The following ZNF215 variants were observed in gnomAD, a reference collection of about 807,000 sequenced individuals.
ZNF215 encodes the protein zinc finger protein 215, also known as BWSCR2-associated zinc finger protein 2.
A neutral mutation model predicts 27.2 loss-of-function variants in ZNF215; 24 were observed. The ratio of observed to expected loss-of-function variants is 0.88; its 90% confidence interval spans 0.64 to 1.24. ZNF215 has a LOEUF of 1.24. ZNF215 is among the 50% of genes most tolerant of loss of function. ZNF215 has a pLI of 0.00. For synonymous variants in ZNF215, 210 were observed against 204.0 expected (o/e 1.03, Z -0.25); for missense variants, 675 against 605.7 (o/e 1.11, Z -1.20).
chr11:6,991,629 T>C (rs1851118654), downstream of ZNF215, among the ~76,000 whole-genome samples: 1 of 152,222 alleles, frequency 6.6e-6, no homozygotes, highest in Admixed American at 6.5e-5. Flanking sequence ...AGTTCAACAT[T>C]TGTAAGTAAA....
intron 5 of ZNF215, among the ~76,000 whole-genome samples, chr11:6,963,962 T>G (rs1412628717): frequency 1.3e-5 from 2 of 151,970 alleles, no homozygotes; most frequent in Non-Finnish European, 2.9e-5. Flanking sequence ...TAATCCGGGT[T>G]TTTTAAATGT....
At chr11:6,928,321 C>T (rs577494114) in intron 2 of ZNF215, among the ~76,000 whole-genome samples, 1 of 152,128 alleles carries the variant, frequency 6.6e-6, no homozygotes, top group Non-Finnish European at 1.5e-5. Context: ...CTGTCAGAGT[C>T]TGAGAAAGTT....
intron 6 of ZNF215, among the ~76,000 whole-genome samples, chr11:6,949,696 G>C (rs1466791403): frequency 2.0e-5 from 3 of 152,190 alleles, no homozygotes; most frequent in African/African-American, 7.2e-5. Context: ...TGTTCACTCT[G>C]ATGGTAGTTT....
At chr11:6,950,136 C>T (rs1477416129) in intron 6 of ZNF215, among the ~76,000 whole-genome samples, 1 of 151,026 alleles carries the variant, frequency 6.6e-6, no homozygotes, top group Non-Finnish European at 1.5e-5. Context: ...GTTACTGTAG[C>T]CTTGTAGTAT....
intron 5 of ZNF215, among the ~76,000 whole-genome samples, chr11:6,975,667 A>C (rs1360125304): frequency 6.6e-6 from 1 of 152,068 alleles, no homozygotes; most frequent in Non-Finnish European, 1.5e-5. Context: ...ACATTGTTGC[A>C]AATGACTGGA....
intron 5 of ZNF215, among the ~76,000 whole-genome samples, chr11:6,982,610 A>G (rs1428237945): frequency 6.6e-6 from 1 of 152,206 alleles, no homozygotes; most frequent in Non-Finnish European, 1.5e-5. Context: ...AACTCACTCA[A>G]AACCACTCAA....
chr11:6,981,854 A>C lies in ZNF215; in HGVS notation c.806-2275A>C, dbSNP rs182745141. Reference sequence around the variant, plus strand: ...CTAGCCAGTTTTCCCAGCACCATTTATTAAATGGGGAATCCTTTCCCTATT... The same window carrying C: ...CTAGCCAGTTTTCCCAGCACCATTTCTTAAATGGGGAATCCTTTCCCTATT... On this transcript the variant is annotated intron_variant, in intron 5 of 5. Transcript: ENST00000529903. 9.6e-3 allele frequency among the ~76,000 whole-genome samples: 1,465 copies of C among 152,026 alleles called. 35 individuals are homozygous for C. The highest frequency in any genetic ancestry group is 0.062 in the East Asian group (320 of 5,164).
intron 3 of ZNF215, among the ~76,000 whole-genome samples, chr11:6,936,221 G>T (rs1590048705): frequency 6.6e-6 from 1 of 152,038 alleles, no homozygotes; most frequent in East Asian, 1.9e-4. Flanking sequence ...TTGGTACTTT[G>T]AAAAGATCAG....
chr11:6,952,286 C>G (rs1231620170), intron 6 of ZNF215, among the ~76,000 whole-genome samples: 2 of 152,080 alleles, frequency 1.3e-5, no homozygotes, highest in Non-Finnish European at 2.9e-5. Context: ...TCCTGGGTAT[C>G]CTTGTTAATT....
intron 3 of ZNF215, among the ~76,000 whole-genome samples, chr11:6,933,760 A>G (rs1049856738): frequency 4.2e-5 from 6 of 143,996 alleles, no homozygotes; most frequent in Non-Finnish European, 8.9e-5. Context: ...GCGCCACTGC[A>G]CTCCAGCCTG....
intron 5 of ZNF215, 121 bp downstream of exon 5, chr11:6,943,336 C>G (rs1030578442): frequency 7.0e-7 from 1 of 1,423,962 alleles, no homozygotes; most frequent in African/African-American, 1.4e-5. Context: ...TGCTAATATC[C>G]TTTGGACACA....
At chr11:6,992,953 G>A (rs1221943775), downstream of ZNF215, among the ~76,000 whole-genome samples, 1 of 152,174 alleles carries the variant, frequency 6.6e-6, no homozygotes, top group African/African-American at 2.4e-5. Flanking sequence ...ATGCTTGCAA[G>A]GATAAACTCC....
chr11:6,948,748 T>A (rs10839666), intron 6 of ZNF215, among the ~76,000 whole-genome samples: 107,734 of 151,996 alleles, frequency 0.71, 38,367 homozygotes, highest in South Asian at 0.8. Flanking sequence ...TTAATTTTTT[T>A]ATTTTTATTT....
At chr11:6,958,524 A>G (rs1226939666), downstream of ZNF215, among the ~76,000 whole-genome samples, 7 of 151,556 alleles carry the variant, frequency 4.6e-5, no homozygotes, top group Non-Finnish European at 1.0e-4. Context: ...TAGCCAATTA[A>G]CATCTTCTCG....
At chr11:6,977,461 G>C (rs1403135838) in intron 5 of ZNF215, among the ~76,000 whole-genome samples, 6 of 151,970 alleles carry the variant, frequency 3.9e-5, no homozygotes. Context: ...GGGGGTGTTG[G>C]AATGCATCCC....
At chr11:6,952,657 C>T (rs1030881337) in intron 6 of ZNF215, among the ~76,000 whole-genome samples, 13 of 152,100 alleles carry the variant, frequency 8.5e-5, no homozygotes, top group African/African-American at 2.9e-4. Flanking sequence ...TTCCTGAATA[C>T]AGCACACTGA....
At chr11:6,970,211 C>T (rs545508935) in intron 5 of ZNF215, among the ~76,000 whole-genome samples, 1 of 152,266 alleles carries the variant, frequency 6.6e-6, no homozygotes, top group Non-Finnish European at 1.5e-5. Context: ...ATACAAGATG[C>T]TGATAACACT....
chr11:6,960,837 T>A (rs1850501507), downstream of ZNF215, among the ~76,000 whole-genome samples: 2 of 152,162 alleles, frequency 1.3e-5, no homozygotes, highest in South Asian at 4.1e-4. Context: ...TTGCTTCTTT[T>A]TCAAAATATC....
chr11:6,961,238 G>T (rs896790799), downstream of ZNF215, among the ~76,000 whole-genome samples: 8 of 151,984 alleles, frequency 5.3e-5, no homozygotes, highest in Non-Finnish European at 7.4e-5. Context: ...CCTTCTGTAG[G>T]AACAAAGAAT....
Sources: allele counts gnomAD v4.1 joint callset (sites outside exome capture counted in the v4.1 genomes callset), GRCh38; gene constraint gnomAD v4.1.1; transcripts MANE v1.5; gene names NCBI Gene and HGNC (gene_info 2026-07-23, HGNC 2026-07-21).